The following FBXL19 variants were observed in gnomAD, a reference collection of about 807,000 sequenced individuals.
FBXL19 encodes the protein F-box and leucine rich repeat protein 19, also known as F-box/LRR-repeat protein 19.
Under a neutral mutation model 71.2 loss-of-function variants are expected in FBXL19, and 16 were observed. The observed-to-expected ratio is 0.22, with a 90% CI of 0.15 to 0.34. FBXL19 has a LOEUF of 0.34. Ranked by LOEUF, FBXL19 falls within the 10% of genes least tolerant of loss-of-function variation. FBXL19 has a pLI of 1.00. For missense variants in FBXL19, 658 were observed against 968.2 expected (o/e 0.68, Z 4.25); for synonymous variants, 447 against 409.4 (o/e 1.09, Z -1.11).
chr16:30,925,740 T>C lies in FBXL19; in HGVS notation c.-15T>C. The C allele has an allele frequency of 6.7e-7, 1 of 1,490,670 alleles. No homozygotes were observed. The highest frequency in any genetic ancestry group is 1.3e-5 in the South Asian group (1 of 76,388). The allele number at this position is 1,490,670 out of a possible 1,614,324, so 92.3% of individuals were successfully genotyped here. ...CACCATCCACCTACAGCCCTCGGCG[T>C]TGCTGACGCCCCCAATGTCGTCGAG... On this transcript the variant is annotated 5_prime_UTR_variant, in exon 2 of 11. Transcript: ENST00000338343. The surrounding 1 kb of genome is among the most constrained non-coding windows in gnomAD (Gnocchi z 5.0).
intron 2 of FBXL19, 132 bp downstream of exon 2, chr16:30,926,063 T>C: frequency 1.5e-6 from 2 of 1,325,798 alleles, no homozygotes; most frequent in Non-Finnish European, 1.9e-6. Context: ...CTTCATTCAC[T>C]AGTTTGTGTC....
chr16:30,934,722 C>T (rs753641171), intron 7 of FBXL19, among the ~76,000 whole-genome samples: 10 of 152,026 alleles, frequency 6.6e-5, no homozygotes, highest in Non-Finnish European at 1.2e-4. Context: ...GGGTAACCCT[C>T]AGGTGAGTTT....
At position 30,925,895 on chromosome 16, in the gene FBXL19, C is replaced by T. The variant is rs1228022533; in HGVS notation, c.141C>T (p.Arg47=). 2.7e-6 allele frequency: 4 copies of T among 1,502,424 alleles called. No homozygotes were observed. The highest frequency in any genetic ancestry group is 3.5e-6 in the Non-Finnish European group (4 of 1,130,574). The allele number at this position is 1,502,424 out of a possible 1,614,324, so 93.1% of individuals were successfully genotyped here. ...RDMKKFGGPG[R]MKQSCLLRQC... ...TGAAGAAGTTCGGGGGGCCCGGGCG[C>T]ATGAAGCAGTCGTGCCTGCTCCGGC... The change falls in exon 2 of 11, where the codon CGC becomes CGT. Residue 47 remains arginine (R), a synonymous_variant. Transcript: ENST00000338343. The surrounding 1 kb of genome is among the most constrained non-coding windows in gnomAD (Gnocchi z 5.0).
upstream of FBXL19, among the ~76,000 whole-genome samples, chr16:30,923,551 A>AGGGGGGG (rs2055550448): frequency 5.9e-5 from 1 of 16,944 alleles, no homozygotes; most frequent in African/African-American, 2.4e-4. Context: ...GGGAAGGAGG[A>AGGGGGGG]GGGAGGGGAG....
At chr16:30,929,874 C>G (rs553240934) in intron 6 of FBXL19, among the ~76,000 whole-genome samples, 199 bp from the exon 7 acceptor site, 1 of 152,362 alleles carries the variant, frequency 6.6e-6, no homozygotes, top group Non-Finnish European at 1.5e-5. Context: ...TTAATTAGCA[C>G]TCTTCTGTTA....
chr16:30,928,069 T>C, intron 5 of FBXL19, 106 bp downstream of exon 5: 1 of 762,948 alleles, frequency 1.3e-6, no homozygotes, highest in Non-Finnish European at 2.1e-6. Context: ...GCTCTGTGGG[T>C]TCCCCAAGGA....
intron 7 of FBXL19, among the ~76,000 whole-genome samples, chr16:30,939,474 C>A (rs1404972665): frequency 1.4e-5 from 2 of 147,436 alleles, no homozygotes; most frequent in African/African-American, 5.0e-5. Flanking sequence ...AGTGCAGTGG[C>A]ACGATCTCGG....
intron 7 of FBXL19, among the ~76,000 whole-genome samples, chr16:30,933,204 T>C (rs2055694673): frequency 6.6e-6 from 1 of 152,094 alleles, no homozygotes. Flanking sequence ...GGTTTCACCA[T>C]GTTGGTCAGG....
At chr16:30,927,713 A>G (rs775186468) in intron 4 of FBXL19, 32 bp from the exon 5 acceptor site, 2 of 1,556,086 alleles carry the variant, frequency 1.3e-6, no homozygotes, top group Admixed American at 3.9e-5. Flanking sequence ...GGAGCTGTGC[A>G]GGTCCTCACC....
At position 30,948,324 on chromosome 16, in the gene FBXL19, A is replaced by G. The variant is rs2055888605; in HGVS notation, c.*1094A>G. ...CAGGGAACTGCCACTCCTGGTTGCC[A>G]TGGAAATAGCAGCCAACGGACACCT... On this transcript the variant is annotated 3_prime_UTR_variant, in exon 11 of 11. Coordinates refer to ENST00000338343, the MANE Select transcript of FBXL19 (RefSeq NM_001382779.1). 6.5e-6 allele frequency: 1 copy of G among 152,926 alleles called. No homozygotes were observed. Among genetic ancestry groups the G allele is most frequent in the African/African-American group, 2.4e-5 (1 of 41,576 alleles). The allele number at this position is 152,926 out of a possible 1,614,324, so 9.5% of individuals were successfully genotyped here.
intron 7 of FBXL19, among the ~76,000 whole-genome samples, chr16:30,931,444 A>G (rs557148062): frequency 1.3e-5 from 2 of 152,346 alleles, no homozygotes; most frequent in Admixed American, 1.3e-4. Flanking sequence ...ATGTTGCAGT[A>G]AACGAGGCTA....
chr16:30,927,772 A>G lies in FBXL19; in HGVS notation c.436A>G (p.Arg146Gly). Reference protein sequence around the residue: ...KDSGEGPGRRRADNGEEGASL... With the variant: ...KDSGEGPGRRGADNGEEGASL... ...TTCAGGTGAGGGGCCTGGCCGCCGT[A>G]GGGCCGACAACGGCGAGGAGGGCGC... The change falls in exon 5 of 11, where the codon AGG becomes GGG. Residue 146 changes from arginine to glycine, a missense_variant. By Grantham distance (125) the Arg-to-Gly change is moderately radical. Transcript: ENST00000338343. 2 of 1,557,416 alleles carry G rather than the reference A, an allele frequency of 1.3e-6. No individual in the cohort carries two copies. Among genetic ancestry groups the G allele is most frequent in the South Asian group, 1.2e-5 (1 of 84,456 alleles).
At chr16:30,938,812 A>G (rs1321111178) in intron 7 of FBXL19, among the ~76,000 whole-genome samples, 4 of 151,168 alleles carry the variant, frequency 2.6e-5, no homozygotes, top group Non-Finnish European at 5.9e-5. Context: ...AATCTTTTGT[A>G]TTTTTAGCAG....
At chr16:30,928,779 G>A in intron 6 of FBXL19, 151 bp downstream of exon 6, 1 of 518,330 alleles carries the variant, frequency 1.9e-6, no homozygotes, top group South Asian at 3.1e-5. Context: ...TGAGTTGGGT[G>A]GGAGGGTGGG....
rs2055896882 is a variant in FBXL19 at position 30,948,666 on chromosome 16, T to C, written c.*1436T>C. 6.7e-6 allele frequency: 1 copy of C among 150,350 alleles called. No homozygotes were observed. Among genetic ancestry groups the C allele is most frequent in the Non-Finnish European group, 1.5e-5 (1 of 67,618 alleles). 9.3% of individuals were successfully genotyped at this position (150,350 alleles called of 1,614,324 possible). A position where few individuals can be genotyped will look rare whatever the true frequency, so the allele number is the denominator to read the frequency against. Reference sequence around the variant, plus strand: ...CGAGAGGCTTGAGAATGGGGCCGCTTGGGGGAGGGAAGAGGCAGCCCGGCG... The same window carrying C: ...CGAGAGGCTTGAGAATGGGGCCGCTCGGGGGAGGGAAGAGGCAGCCCGGCG... On this transcript the variant is annotated 3_prime_UTR_variant, in exon 11 of 11. Coordinates refer to ENST00000338343, the MANE Select transcript of FBXL19 (RefSeq NM_001382779.1).
chr16:30,930,531 C>T lies in FBXL19; in HGVS notation c.1248C>T (p.Leu416=), dbSNP rs938832132. Reference sequence around the variant, plus strand: ...CCTGGCTTCGCGTCTTCCAGCACCTCGGGCCGCGGGAGCTGTGTATCTGCA... The same window carrying T: ...CCTGGCTTCGCGTCTTCCAGCACCTTGGGCCGCGGGAGCTGTGTATCTGCA... The part of the protein sequence containing the change: ...RAAWLRVFQH[L]GPRELCICMR... Residue 416 remains leucine (L), a synonymous_variant, in exon 7 of 11, where the codon CTC becomes CTT. Transcript: ENST00000338343. The surrounding 1 kb of genome is among the most constrained non-coding windows in gnomAD (Gnocchi z 8.5). 18 of 1,505,328 alleles carry T rather than the reference C, an allele frequency of 1.2e-5. No homozygotes were observed. The highest frequency in any genetic ancestry group is 5.0e-5 in the East Asian group (2 of 39,924). The allele number at this position is 1,505,328 out of a possible 1,614,324, so 93.2% of individuals were successfully genotyped here. A position where few individuals can be genotyped will look rare whatever the true frequency, so the allele number is the denominator to read the frequency against.
At chr16:30,941,025 T>C (rs1434029000) in intron 7 of FBXL19, among the ~76,000 whole-genome samples, 1 of 152,178 alleles carries the variant, frequency 6.6e-6, no homozygotes, top group Non-Finnish European at 1.5e-5. Flanking sequence ...AGGAAACCTG[T>C]TTAATGTTGC....
At position 30,942,377 on chromosome 16, in the gene FBXL19, C is replaced by T; in HGVS notation, c.1468C>T (p.Leu490=). 6.2e-7 allele frequency: 1 copy of T among 1,609,870 alleles called. No individual in the cohort carries two copies. The highest frequency in any genetic ancestry group is 1.1e-5 in the South Asian group (1 of 90,142). ...LMWLLNRLQG[L]QELVLSGCSW... ...TCCTGACTGCCCCCTCTCCGCAGGC[C>T]TGCAGGAGCTGGTGCTCTCTGGCTG... Residue 490 remains leucine (L), a splice_region_variant and synonymous_variant, in exon 9 of 11, where the codon CTG becomes TTG. Transcript: ENST00000338343. The surrounding 1 kb of genome is among the most constrained non-coding windows in gnomAD (Gnocchi z 5.7).
chr16:30,945,515 T>A (rs2143393675), intron 9 of FBXL19, among the ~76,000 whole-genome samples: 1 of 151,628 alleles, frequency 6.6e-6, no homozygotes, highest in Non-Finnish European at 1.5e-5. Flanking sequence ...TACAAAAAAT[T>A]AGCCAGGCGT....
Sources: allele counts gnomAD v4.1 joint callset (sites outside exome capture counted in the v4.1 genomes callset), GRCh38; gene constraint gnomAD v4.1.1; non-coding constraint Gnocchi (gnomAD v3.1); transcripts MANE v1.5; gene names NCBI Gene and HGNC (gene_info 2026-07-23, HGNC 2026-07-21).